LRRC43: variants seen among roughly 807,000 people sequenced by gnomAD.
The protein encoded by LRRC43 is leucine rich repeat containing 43.
A neutral mutation model predicts 64.3 loss-of-function variants in LRRC43; 62 were observed. The observed-to-expected ratio is 0.96, with a 90% CI of 0.79 to 1.19. The LOEUF (loss-of-function observed/expected upper bound fraction) is 1.19. Ranked by LOEUF, LRRC43 falls within the 50% of genes most tolerant of loss-of-function variation. The probability of loss-of-function intolerance (pLI) is 0.00; values close to 1 mark genes in which losing one functional copy is unlikely to be tolerated. For missense variants in LRRC43, 868 were observed against 845.0 expected (o/e 1.03, Z -0.34); for synonymous variants, 422 against 382.3 (o/e 1.10, Z -1.21).
intron 11 of LRRC43, among the ~76,000 whole-genome samples, chr12:122,202,921 G>A (rs772140624): frequency 4.6e-5 from 7 of 152,040 alleles, no homozygotes; most frequent in Non-Finnish European, 1.0e-4. Flanking sequence ...GTGAAACCCC[G>A]TCTCTACTAA....
chr12:122,194,134 C>T (rs1953750955), intron 7 of LRRC43, among the ~76,000 whole-genome samples: 1 of 151,562 alleles, frequency 6.6e-6, no homozygotes, highest in Non-Finnish European at 1.5e-5. Context: ...TGTTACAGAC[C>T]CAACAATACA....
chr12:122,201,026 C>T (rs1007410326), intron 10 of LRRC43, 92 bp downstream of exon 10: 25 of 1,436,490 alleles, frequency 1.7e-5, no homozygotes, highest in South Asian at 2.7e-5. Flanking sequence ...GCCCAGGTCA[C>T]GGGATGGGGA....
At chr12:122,199,428 A>G (rs142056012) in intron 7 of LRRC43, among the ~76,000 whole-genome samples, 5,251 of 151,892 alleles carry the variant, frequency 0.035, 274 homozygotes, top group African/African-American at 0.11. Flanking sequence ...GACCACGGGC[A>G]CATGCCACCA....
At chr12:122,180,545 A>C (rs919886890), upstream of LRRC43, among the ~76,000 whole-genome samples, 1 of 152,104 alleles carries the variant, frequency 6.6e-6, no homozygotes, top group Non-Finnish European at 1.5e-5. Context: ...AGAAAAAGTG[A>C]GTATAGACCA....
At chr12:122,180,434 G>T (rs999128847), upstream of LRRC43, among the ~76,000 whole-genome samples, 4 of 152,260 alleles carry the variant, frequency 2.6e-5, no homozygotes, top group Admixed American at 1.3e-4. Flanking sequence ...CAGGAGAATT[G>T]CTTGAACCCA....
chr12:122,179,478 C>T (rs1055455250), upstream of LRRC43, among the ~76,000 whole-genome samples: 1 of 152,006 alleles, frequency 6.6e-6, no homozygotes, highest in African/African-American at 2.4e-5. Context: ...GGCTGTTGGA[C>T]GTGTGGATCT....
At chr12:122,189,312 C>G (rs781051196) in intron 4 of LRRC43, 16 of 419,032 alleles carry the variant, frequency 3.8e-5, no homozygotes, top group Non-Finnish European at 7.2e-5. Context: ...CTTGGGGGGT[C>G]CAACCCTCTA....
At chr12:122,173,980 G>A (rs761568461) in intron 1 of LRRC43, 11 of 1,614,148 alleles carry the variant, frequency 6.8e-6, no homozygotes, top group Non-Finnish European at 9.3e-6. Flanking sequence ...AAAGAGCACA[G>A]ACGTCGAGGG....
At chr12:122,190,442 TG>T in intron 5 of LRRC43, 74 bp downstream of exon 5, 1 of 1,209,872 alleles carries the variant, frequency 8.3e-7, no homozygotes, top group Non-Finnish European at 1.2e-6. Context: ...CCCGCCCTCC[TG>T]GGTCCGTGTA....
chr12:122,172,836 C>G (rs7977932), intron 1 of LRRC43: 139,992 of 943,210 alleles, frequency 0.15, 11,652 homozygotes, highest in Admixed American at 0.26. Flanking sequence ...TAACCCGCCT[C>G]GTTGATATAT....
chr12:122,174,225 T>A, intron 1 of LRRC43: 1 of 1,610,928 alleles, frequency 6.2e-7, no homozygotes, highest in African/African-American at 1.3e-5. Context: ...CCAGATGTGT[T>A]CGCCATGGCT....
chr12:122,192,761 C>T lies in LRRC43; in HGVS notation c.1106C>T (p.Pro369Leu), dbSNP rs753496246. The T allele has an allele frequency of 6.2e-7, 1 of 1,613,614 alleles. No individual in the cohort carries two copies. The highest frequency in any genetic ancestry group is 8.5e-7 in the Non-Finnish European group (1 of 1,179,608). Residue 369 changes from proline (P) to leucine (L), a missense_variant, in exon 7 of 12, where the codon CCC becomes CTC. Transcript: ENST00000339777. ...TTCCTGCAGATCGTCAAGCCCTCTCCCAGCTTAGAATTATTAGTTGAGGAA... is the reference window on the plus strand; with the variant it reads ...TTCCTGCAGATCGTCAAGCCCTCTCTCAGCTTAGAATTATTAGTTGAGGAA... ...GVLAEIVKPS[P>L]SLELLVEESP...
chr12:122,195,613 C>T (rs1396815597), intron 7 of LRRC43, among the ~76,000 whole-genome samples: 2 of 152,128 alleles, frequency 1.3e-5, no homozygotes, highest in East Asian at 3.8e-4. Flanking sequence ...CTCAGCTGTT[C>T]ATCTTATTGG....
Position 122,200,636 on chromosome 12 carries a change from GA to G in LRRC43, c.1599del (p.Gly534GlufsTer12). ...KKGKEKDRTG[K>X]GEKEPAKEWK... ...AAGGGAAGGAGAAAGACAGGACGGG[GA>G]AAGGAGAGAAAGAGCCGGCCAAGGT... On this transcript the variant is annotated frameshift_variant, in exon 9 of 12. Coordinates refer to ENST00000339777, the MANE Select transcript of LRRC43 (RefSeq NM_001098519.2). LOFTEE classifies it high-confidence loss of function. This position sits in a 1 kb window ranked among gnomAD's most constrained non-coding sequence, Gnocchi z 4.6. 2.5e-6 allele frequency: 4 copies of G among 1,614,138 alleles called. No homozygotes were observed. The highest frequency in any genetic ancestry group is 3.4e-6 in the Non-Finnish European group (4 of 1,180,000).
At chr12:122,190,024 TG>T (rs756161180) in intron 4 of LRRC43, 105 bp from the exon 5 acceptor site, 4 of 936,202 alleles carry the variant, frequency 4.3e-6, no homozygotes, top group Admixed American at 3.5e-5. Flanking sequence ...AGGCCGTGGA[TG>T]GGCAGAATCC....
At chr12:122,182,339 C>A (rs1332455987), upstream of LRRC43, among the ~76,000 whole-genome samples, 1 of 152,040 alleles carries the variant, frequency 6.6e-6, no homozygotes, top group Non-Finnish European at 1.5e-5. Flanking sequence ...GCCTGGCCAA[C>A]ATGGTGAAAC....
At chr12:122,171,850 T>G (rs187965890) in intron 1 of LRRC43, among the ~76,000 whole-genome samples, 89 of 152,254 alleles carry the variant, frequency 5.8e-4, no homozygotes, top group Non-Finnish European at 1.1e-3. Flanking sequence ...ATTGCAGGTG[T>G]GAGCCACAGT....
Position 122,187,748 on chromosome 12 carries a change from T to C in LRRC43, c.570T>C (p.Cys190=), listed in dbSNP as rs374452899. 6.8e-6 allele frequency: 11 copies of C among 1,614,060 alleles called. No homozygotes were observed. The African/African-American group carries it at 1.2e-4, about 18-fold the overall frequency. The change falls in exon 4 of 12, where the codon TGT becomes TGC. Residue 190 remains cysteine (C), a synonymous_variant. Transcript: ENST00000339777. ...GNEISSMECL[C]AHPPAGLQHL... ...AGATCAGCAGCATGGAGTGTCTGTG[T>C]GCCCACCCACCCGCCGGCCTGCAGC...
At chr12:122,195,405 T>C (rs186480203) in intron 7 of LRRC43, among the ~76,000 whole-genome samples, 288 of 152,158 alleles carry the variant, frequency 1.9e-3, no homozygotes, top group African/African-American at 6.4e-3. Context: ...CCTACTACCA[T>C]GCCCAGCTGA....
Sources: allele counts gnomAD v4.1 joint callset (sites outside exome capture counted in the v4.1 genomes callset), GRCh38; gene constraint gnomAD v4.1.1; non-coding constraint Gnocchi (gnomAD v3.1); transcripts MANE v1.5; gene names NCBI Gene and HGNC (gene_info 2026-07-23, HGNC 2026-07-21).